The following SLC35F3 variants were observed in gnomAD, a reference collection of about 807,000 sequenced individuals.
SLC35F3 encodes solute carrier family 35 member F3.
SLC35F3 carries 25 observed loss-of-function variants against 49.9 expected under a neutral mutation model. That is an observed-to-expected ratio of 0.50 (90% CI 0.37 to 0.70). The LOEUF (loss-of-function observed/expected upper bound fraction) is 0.70, where lower values mean the gene tolerates loss of function less well. Among genes scored for constraint, SLC35F3 ranks in the 30% least tolerant of loss-of-function variants. The probability of loss-of-function intolerance (pLI) is 0.00; values close to 1 mark genes in which losing one functional copy is unlikely to be tolerated. For missense variants in SLC35F3, 525 were observed against 639.8 expected, an observed-to-expected ratio of 0.82 and a Z score of 1.94; for synonymous variants, 275 against 265.4, an observed-to-expected ratio of 1.04 and a Z score of -0.35.
chr1:234,169,105 CAGA>C (rs1382645801), intron 2 of SLC35F3, among the ~76,000 whole-genome samples: 2 of 152,186 alleles, frequency 1.3e-5, no homozygotes, highest in African/African-American at 4.8e-5. Context: ...TGGCTAATGC[CAGA>C]AGAAGATGGA....
intron 2 of SLC35F3, among the ~76,000 whole-genome samples, chr1:234,103,682 C>T (rs532707412): frequency 3.9e-4 from 59 of 152,298 alleles, no homozygotes; most frequent in Middle Eastern, 3.4e-3. Flanking sequence ...CTCTGCTTGC[C>T]CTACACAATA....
chr1:234,231,733 G>C lies in SLC35F3; in HGVS notation c.600G>C (p.Gln200His). ...CKSTEKQSVK[Q>H]RYRECCRFFG... ...CCACAGAGAAGCAGTCTGTGAAGCA[G>C]CGATACAGGTAGGCGCGTCCTGCAT... Residue 200 changes from glutamine to histidine, a missense_variant, in exon 3 of 8, where the codon CAG (glutamine) becomes CAC (histidine). Gln to His is a conservative substitution (Grantham distance 24). Around this residue, in one of 4 missense-constraint regions of SLC35F3, gnomAD observed 216 missense variants for 298.1 expected, o/e 0.72. Coordinates refer to ENST00000366618, the MANE Select transcript of SLC35F3 (RefSeq NM_173508.4). The surrounding 1 kb of genome is among the most constrained non-coding windows in gnomAD (Gnocchi z 5.4). The C allele has an allele frequency of 6.2e-7, 1 of 1,607,682 alleles. No homozygotes were observed. The highest frequency in any genetic ancestry group is 8.5e-7 in the Non-Finnish European group (1 of 1,175,802).
chr1:234,202,049 T>C (rs1470360548), intron 2 of SLC35F3, among the ~76,000 whole-genome samples: 1 of 151,936 alleles, frequency 6.6e-6, no homozygotes, highest in African/African-American at 2.4e-5. Flanking sequence ...ATACTATGCA[T>C]ATAGTATAAA....
At chr1:234,071,951 A>G (rs1664717559) in intron 2 of SLC35F3, among the ~76,000 whole-genome samples, 1 of 152,230 alleles carries the variant, frequency 6.6e-6, no homozygotes, top group African/African-American at 2.4e-5. Context: ...ACTGGCCTGG[A>G]CAGAAAAAGG....
intron 2 of SLC35F3, among the ~76,000 whole-genome samples, chr1:233,968,403 A>C (rs1662934630): frequency 6.6e-6 from 1 of 152,128 alleles, no homozygotes; most frequent in African/African-American, 2.4e-5. Flanking sequence ...CAAGTTTGTT[A>C]CATGGGTAAA....
chr1:233,908,380 T>C (rs534468024), intron 2 of SLC35F3, among the ~76,000 whole-genome samples: 9 of 152,302 alleles, frequency 5.9e-5, no homozygotes, highest in African/African-American at 2.2e-4. Context: ...TGACCCAATA[T>C]TCATTTGTAT....
In SLC35F3 at chr1:234,214,265, T is replaced by C; in HGVS notation, c.284-17152T>C. ...GTAGGAGGCTGTGCGCGCGTGTGTGTGGAGTGGCTGCGCGGCCGGGGAGGA... is the reference window on the plus strand; with the variant it reads ...GTAGGAGGCTGTGCGCGCGTGTGTGCGGAGTGGCTGCGCGGCCGGGGAGGA... On this transcript the variant is annotated intron_variant, in intron 2 of 7. Coordinates refer to ENST00000366618, the MANE Select transcript of SLC35F3 (RefSeq NM_173508.4). This position sits in a 1 kb window ranked among gnomAD's most constrained non-coding sequence, Gnocchi z 8.0. 2.4e-6 allele frequency: 3 copies of C among 1,266,126 alleles called. No homozygotes were observed. Among genetic ancestry groups the C allele is most frequent in the East Asian group, 3.4e-5 (1 of 29,440 alleles). 78.4% of individuals were successfully genotyped at this position (1,266,126 alleles called of 1,614,324 possible).
chr1:234,159,604 G>A (rs1389392309), intron 2 of SLC35F3, among the ~76,000 whole-genome samples: 1 of 152,058 alleles, frequency 6.6e-6, no homozygotes, highest in East Asian at 1.9e-4. Context: ...AAAAAGTACT[G>A]AAGTAACATT....
chr1:233,970,231 G>A (rs1196943043), intron 2 of SLC35F3, among the ~76,000 whole-genome samples: 1 of 152,118 alleles, frequency 6.6e-6, no homozygotes. Context: ...TTAGCACCCG[G>A]CCACCTTCTG....
At position 234,316,626 on chromosome 1, in the gene SLC35F3, G is replaced by T. The variant is rs147645463; in HGVS notation, c.853G>T (p.Ala285Ser). The change falls in exon 5 of 8, where the codon GCT becomes TCT. Residue 285 changes from alanine to serine, a missense_variant. Ala to Ser is a moderately conservative substitution (Grantham distance 99). This residue lies in a region of SLC35F3 where 216 missense variants were observed against 298.1 expected (regional missense o/e 0.72). Coordinates refer to ENST00000366618, the MANE Select transcript of SLC35F3 (RefSeq NM_173508.4). ...GATTGTGGCCGCCATCCTCGCCATC[G>T]CTGGCATTGTGATGATGACCTACGC... ...VRIVAAILAIAGIVMMTYADG... is the reference protein window; with the variant it reads ...VRIVAAILAISGIVMMTYADG... The T allele has an allele frequency of 6.2e-7, 1 of 1,610,150 alleles. No individual in the cohort carries two copies. The highest frequency in any genetic ancestry group is 8.5e-7 in the Non-Finnish European group (1 of 1,176,812).
chr1:234,244,618 C>CTT (rs57728116), intron 3 of SLC35F3, among the ~76,000 whole-genome samples: 145 of 144,172 alleles, frequency 1.0e-3, no homozygotes, highest in African/African-American at 3.0e-3. Flanking sequence ...TTGATTATCA[C>CTT]TTTTTTTTTT....
intron 3 of SLC35F3, among the ~76,000 whole-genome samples, chr1:234,298,141 T>A (rs901968379): frequency 2.0e-5 from 3 of 152,024 alleles, no homozygotes; most frequent in Non-Finnish European, 4.4e-5. Flanking sequence ...TAAAGACAGG[T>A]TTTTTTTGAG....
At chr1:233,945,042 C>T (rs1662492479) in intron 2 of SLC35F3, among the ~76,000 whole-genome samples, 1 of 151,852 alleles carries the variant, frequency 6.6e-6, no homozygotes. Context: ...TACCTGTGAG[C>T]ATATATGAGA....
chr1:234,254,290 A>G (rs1453960027), intron 3 of SLC35F3, among the ~76,000 whole-genome samples: 1 of 152,152 alleles, frequency 6.6e-6, no homozygotes, highest in Non-Finnish European at 1.5e-5. Flanking sequence ...CCCATCTGGA[A>G]CTCATTTCAG....
At chr1:234,247,102 C>T (rs1392570792) in intron 3 of SLC35F3, among the ~76,000 whole-genome samples, 1 of 152,132 alleles carries the variant, frequency 6.6e-6, no homozygotes, top group Non-Finnish European at 1.5e-5. Flanking sequence ...TGAGCACCAG[C>T]AATGGTGTCT....
At chr1:234,279,983 G>A (rs1216777607) in intron 3 of SLC35F3, among the ~76,000 whole-genome samples, 1 of 152,126 alleles carries the variant, frequency 6.6e-6, no homozygotes, top group Non-Finnish European at 1.5e-5. Flanking sequence ...GATCACACTT[G>A]GCAATGGCTA....
chr1:234,217,656 A>C (rs1415757718), intron 2 of SLC35F3, among the ~76,000 whole-genome samples: 1 of 151,904 alleles, frequency 6.6e-6, no homozygotes, highest in African/African-American at 2.4e-5. Flanking sequence ...CTTTCTGAGG[A>C]GAAGATATTC....
chr1:234,102,584 G>C (rs1021594612), intron 2 of SLC35F3, among the ~76,000 whole-genome samples: 7 of 152,198 alleles, frequency 4.6e-5, no homozygotes, highest in African/African-American at 1.7e-4. Flanking sequence ...CCTAAGCCTT[G>C]GCGTGTTTCA....
chr1:233,919,666 T>C (rs1161955595), intron 2 of SLC35F3, among the ~76,000 whole-genome samples: 1 of 152,190 alleles, frequency 6.6e-6, no homozygotes, highest in Non-Finnish European at 1.5e-5. Flanking sequence ...GTACTTGGTC[T>C]TCTGAATGCT....
Sources: allele counts gnomAD v4.1 joint callset (sites outside exome capture counted in the v4.1 genomes callset), GRCh38; gene constraint gnomAD v4.1.1; regional missense constraint gnomAD v4.1.1; non-coding constraint Gnocchi (gnomAD v3.1); transcripts MANE v1.5; gene names NCBI Gene and HGNC (gene_info 2026-07-23, HGNC 2026-07-21).